The following HMGN5 variants were observed in gnomAD, a reference collection of about 807,000 sequenced individuals.
HMGN5 encodes the protein high mobility group nucleosome-binding domain-containing protein 5.
HMGN5 carries 4 observed loss-of-function variants against 9.5 expected under a neutral mutation model. The ratio of observed to expected loss-of-function variants is 0.42; its 90% confidence interval spans 0.21 to 0.96. The LOEUF is 0.96. Ranked by LOEUF, HMGN5 falls within the 40% of genes least tolerant of loss-of-function variation. HMGN5 has a pLI of 0.30. For missense variants in HMGN5, 192 were observed against 187.5 expected, an observed-to-expected ratio of 1.02 and a Z score of -0.14; for synonymous variants, 55 against 57.1, an observed-to-expected ratio of 0.96 and a Z score of 0.16.
At chrX:81,148,424 C>T (rs896455544) in intron 1 of HMGN5, among the ~76,000 whole-genome samples, 1 of 111,229 alleles carries the variant, frequency 9.0e-6, no homozygotes, top group Non-Finnish European at 1.9e-5. Flanking sequence ...AACTGGCTAG[C>T]CATATGCAGA....
At chrX:81,121,762 C>T in intron 1 of HMGN5, 90 bp from the exon 2 acceptor site, 2 of 334,869 alleles carry the variant, frequency 6.0e-6, no homozygotes, top group South Asian at 1.9e-4. Flanking sequence ...GAGTGGGAGC[C>T]ACATTGGAGT....
At chrX:81,123,832 G>C (rs1434445202) in intron 1 of HMGN5, among the ~76,000 whole-genome samples, 1 of 112,336 alleles carries the variant, frequency 8.9e-6, no homozygotes, top group Non-Finnish European at 1.9e-5. Flanking sequence ...AATAAAACAG[G>C]AGGGAAGGAT....
intron 1 of HMGN5, among the ~76,000 whole-genome samples, chrX:81,150,567 G>T (rs2075358417): frequency 9.0e-6 from 1 of 111,041 alleles, no homozygotes; most frequent in Admixed American, 9.6e-5. Flanking sequence ...ACTCTGTCTT[G>T]CAAAACAAAA....
intron 1 of HMGN5, among the ~76,000 whole-genome samples, chrX:81,132,680 T>C (rs1159878507): frequency 9.0e-6 from 1 of 111,374 alleles, no homozygotes; most frequent in Non-Finnish European, 1.9e-5. Flanking sequence ...CCTTATATCA[T>C]ATAGAAAAAT....
intron 1 of HMGN5, among the ~76,000 whole-genome samples, chrX:81,128,100 G>T (rs1253259388): frequency 9.0e-6 from 1 of 110,559 alleles, no homozygotes; most frequent in Non-Finnish European, 1.9e-5. Context: ...AGGACATGGT[G>T]ACATTCTCAC....
intron 1 of HMGN5, among the ~76,000 whole-genome samples, chrX:81,153,607 A>C (rs868182066): frequency 0.03 from 841 of 27,619 alleles, 88 homozygotes; most frequent in South Asian, 0.081. Flanking sequence ...ATATATATAT[A>C]TATATATATA....
intron 1 of HMGN5, among the ~76,000 whole-genome samples, chrX:81,196,185 GT>G (rs200753216): frequency 0.011 from 1,259 of 111,248 alleles, 17 homozygotes; most frequent in African/African-American, 0.039. Flanking sequence ...ACATATTTAT[GT>G]GTTAATGTGT....
chrX:81,185,588 A>G (rs1034954249), intron 1 of HMGN5, among the ~76,000 whole-genome samples: 5 of 111,321 alleles, frequency 4.5e-5, no homozygotes, highest in African/African-American at 1.6e-4. Context: ...TTCTTTTCCA[A>G]TTTGGGTACC....
chrX:81,174,205 G>T (rs1348433316), intron 1 of HMGN5, among the ~76,000 whole-genome samples: 3 of 110,299 alleles, frequency 2.7e-5, no homozygotes, highest in East Asian at 5.7e-4. Context: ...TTATTAAAGG[G>T]TATGCAGAAA....
rs186334507 is a variant in HMGN5 at position 81,117,460 on chromosome X, G to T, written c.129+972C>A. Among the ~76,000 whole-genome samples, 125 of 108,951 alleles carry T rather than the reference G, an allele frequency of 1.1e-3. 2 individuals carry two copies. The Admixed American group carries it at 0.012, about 11-fold the overall frequency. 94.6% of individuals were successfully genotyped at this position (108,951 alleles called of 115,157 possible). A position where few individuals can be genotyped will look rare whatever the true frequency, so the allele number is the denominator to read the frequency against. ...GTGATTTTCTATGTTGCCCAGGCTG[G>T]TCTCAAACTCCTACGTTCAAGCAAT... On this transcript the variant is annotated intron_variant, in intron 5 of 6. Transcript: ENST00000358130.
chrX:81,118,827 A>G, intron 3 of HMGN5, 68 bp from the exon 4 acceptor site: 1 of 735,931 alleles, frequency 1.4e-6, no homozygotes, highest in Non-Finnish European at 2.0e-6. Flanking sequence ...ATTTTTATTG[A>G]GGTCAAAATA....
intron 2 of HMGN5, among the ~76,000 whole-genome samples, 188 bp downstream of exon 2, chrX:81,121,347 G>A (rs758185804): frequency 9.0e-6 from 1 of 111,451 alleles, no homozygotes; most frequent in African/African-American, 3.3e-5. Context: ...ACTACCAGTT[G>A]CATGCAAGAC....
At chrX:81,190,209 T>C (rs1336347600) in intron 1 of HMGN5, among the ~76,000 whole-genome samples, 1 of 112,223 alleles carries the variant, frequency 8.9e-6, no homozygotes, top group Non-Finnish European at 1.9e-5. Context: ...ATATGTCTTT[T>C]GTAAACATTT....
intron 1 of HMGN5, among the ~76,000 whole-genome samples, chrX:81,124,700 A>G (rs1396655362): frequency 8.9e-6 from 1 of 112,442 alleles, no homozygotes; most frequent in Non-Finnish European, 1.9e-5. Flanking sequence ...ATTCCAGAGT[A>G]AAAAGGTTAT....
intron 3 of HMGN5, among the ~76,000 whole-genome samples, chrX:81,119,071 G>C (rs2075261894): frequency 9.0e-6 from 1 of 111,450 alleles, no homozygotes; most frequent in South Asian, 3.7e-4. Context: ...CAATTATTTT[G>C]CTTAAAAGGA....
chrX:81,125,611 T>C (rs1431893666), intron 1 of HMGN5, among the ~76,000 whole-genome samples: 1 of 111,805 alleles, frequency 8.9e-6, no homozygotes, highest in African/African-American at 3.3e-5. Context: ...ATTTTTCCAG[T>C]GGTAAAAGTA....
rs1229189086 is a variant in HMGN5, at chrX:81,116,344, G to C, written c.130-3C>G. ...ATATCACTTTTTGTCTTCATTTTCTGCCAAGCAATATAAAACAATGAAAGT... is the reference window on the plus strand; with the variant it reads ...ATATCACTTTTTGTCTTCATTTTCTCCCAAGCAATATAAAACAATGAAAGT... On this transcript the variant is annotated splice_region_variant and splice_polypyrimidine_tract_variant and intron_variant, in intron 5 of 6. Coordinates refer to ENST00000358130, the MANE Select transcript of HMGN5 (RefSeq NM_030763.3). 1 of 1,159,967 alleles carries C rather than the reference G, an allele frequency of 8.6e-7. No individual in the cohort carries two copies. The highest frequency in any genetic ancestry group is 2.3e-5 in the Admixed American group (1 of 44,206).
chrX:81,136,151 T>C (rs968550486), intron 1 of HMGN5, among the ~76,000 whole-genome samples: 5 of 111,772 alleles, frequency 4.5e-5, no homozygotes, highest in African/African-American at 1.6e-4. Flanking sequence ...TATTTTGTTA[T>C]AGCAACAGAA....
intron 1 of HMGN5, among the ~76,000 whole-genome samples, chrX:81,129,914 C>T (rs963837467): frequency 2.7e-5 from 3 of 111,437 alleles, no homozygotes; most frequent in African/African-American, 6.5e-5. Flanking sequence ...CAACAAAGTA[C>T]GCTGACTCAT....
Sources: allele counts gnomAD v4.1 joint callset (sites outside exome capture counted in the v4.1 genomes callset), GRCh38; gene constraint gnomAD v4.1.1; transcripts MANE v1.5; gene names NCBI Gene and HGNC (gene_info 2026-07-23, HGNC 2026-07-21).